The following IL1RAPL2 variants were observed in gnomAD, a reference collection of about 807,000 sequenced individuals.
IL1RAPL2 encodes the protein X-linked interleukin-1 receptor accessory protein-like 2.
In IL1RAPL2, 3 loss-of-function variants were observed where a neutral mutation model predicts 44.1. That is an observed-to-expected ratio of 0.07 (90% CI 0.03 to 0.18). The LOEUF (loss-of-function observed/expected upper bound fraction) is 0.18. Among genes scored for constraint, IL1RAPL2 ranks in the 10% least tolerant of loss-of-function variants. The pLI is 1.00. For missense variants in IL1RAPL2, 391 were observed against 496.4 expected, an observed-to-expected ratio of 0.79 and a Z score of 2.02; for synonymous variants, 181 against 178.8, an observed-to-expected ratio of 1.01 and a Z score of -0.10.
intron 2 of IL1RAPL2, among the ~76,000 whole-genome samples, chrX:104,762,504 T>G (rs1016746310): frequency 1.8e-5 from 2 of 111,743 alleles, no homozygotes; most frequent in Admixed American, 9.5e-5. Flanking sequence ...TGTCAGTGGA[T>G]CTACCATTCT....
At chrX:105,155,201 C>T (rs1423757333) in intron 2 of IL1RAPL2, among the ~76,000 whole-genome samples, 4 of 111,087 alleles carry the variant, frequency 3.6e-5, no homozygotes, top group Non-Finnish European at 7.5e-5. Context: ...ATCATCTGTT[C>T]CACTGAGGGT....
intron 5 of IL1RAPL2, among the ~76,000 whole-genome samples, chrX:105,447,196 TAAATATATATAAATATATATA>T (rs1194493214): frequency 5.6e-5 from 1 of 17,927 alleles, no homozygotes; most frequent in Non-Finnish European, 6.9e-5. Flanking sequence ...TAAATATATA[TAAATATATATAAATATATATA>T]AAATATATAT....
At chrX:105,691,958 A>G (rs2038038819) in intron 6 of IL1RAPL2, among the ~76,000 whole-genome samples, 1 of 112,004 alleles carries the variant, frequency 8.9e-6, no homozygotes, top group African/African-American at 3.2e-5. Context: ...AGAATTAAAC[A>G]GGGCACAAGT....
At chrX:104,599,650 G>GCGCA (rs756734077) in intron 1 of IL1RAPL2, among the ~76,000 whole-genome samples, 18 of 86,173 alleles carry the variant, frequency 2.1e-4, no homozygotes, top group Non-Finnish European at 3.5e-4. Flanking sequence ...GATGGATTTA[G>GCGCA]CACACACACA....
intron 2 of IL1RAPL2, among the ~76,000 whole-genome samples, chrX:104,775,246 A>G: frequency 8.9e-6 from 1 of 112,571 alleles, no homozygotes; most frequent in Non-Finnish European, 1.9e-5. Flanking sequence ...CAAGCTGTCT[A>G]CAATCAGGGT....
intron 1 of IL1RAPL2, among the ~76,000 whole-genome samples, chrX:104,593,824 G>T (rs930712777): frequency 8.9e-6 from 1 of 112,062 alleles, no homozygotes; most frequent in Non-Finnish European, 1.9e-5. Context: ...CCTACACTCT[G>T]GTATTCCCAA....
chrX:104,993,122 G>T (rs6652392), intron 2 of IL1RAPL2, among the ~76,000 whole-genome samples: 1 of 111,168 alleles, frequency 9.0e-6, no homozygotes, highest in African/African-American at 3.3e-5. Context: ...GTATTCAGCC[G>T]AGAGAGTTGG....
chrX:104,801,035 T>C (rs1227936307), intron 2 of IL1RAPL2, among the ~76,000 whole-genome samples: 1 of 112,862 alleles, frequency 8.9e-6, no homozygotes, highest in African/African-American at 3.2e-5. Context: ...ACACCAATAG[T>C]GTATCTAGCT....
chrX:105,303,825 A>G (rs2147675968), intron 5 of IL1RAPL2, among the ~76,000 whole-genome samples: 1 of 112,748 alleles, frequency 8.9e-6, no homozygotes, highest in East Asian at 2.8e-4. Flanking sequence ...CCTATAGGTT[A>G]GGGAAGGTCA....
At chrX:104,942,063 T>C (rs1481589278) in intron 2 of IL1RAPL2, among the ~76,000 whole-genome samples, 7 of 111,629 alleles carry the variant, frequency 6.3e-5, no homozygotes, top group Non-Finnish European at 1.3e-4. Flanking sequence ...GTCTGTATCT[T>C]TGTTTTGGTA....
chrX:105,598,755 G>A (rs2037229999), intron 6 of IL1RAPL2, among the ~76,000 whole-genome samples: 2 of 111,416 alleles, frequency 1.8e-5, no homozygotes, highest in African/African-American at 6.5e-5. Context: ...CCACAAAATC[G>A]TTCCTGATTC....
intron 2 of IL1RAPL2, among the ~76,000 whole-genome samples, chrX:105,026,444 GA>G (rs745622978): frequency 2.4e-3 from 258 of 109,735 alleles, no homozygotes; most frequent in African/African-American, 7.2e-3. Context: ...TCTTATATTT[GA>G]AAAAAATTAA....
intron 4 of IL1RAPL2, among the ~76,000 whole-genome samples, chrX:105,266,993 C>T (rs1198754208): frequency 2.7e-5 from 3 of 111,766 alleles, no homozygotes; most frequent in Non-Finnish European, 5.6e-5. Context: ...CTAAGTGAAC[C>T]ATGTCCTCTT....
chrX:104,726,071 A>T (rs1931785291), intron 2 of IL1RAPL2, among the ~76,000 whole-genome samples: 1 of 111,729 alleles, frequency 9.0e-6, no homozygotes, highest in South Asian at 3.7e-4. Flanking sequence ...AAAAGGTGTC[A>T]GGAAGGGATC....
At chrX:105,288,797 C>A (rs925891213) in intron 5 of IL1RAPL2, among the ~76,000 whole-genome samples, 2 of 110,328 alleles carry the variant, frequency 1.8e-5, no homozygotes, top group Non-Finnish European at 3.8e-5. Context: ...TTAATGGCCT[C>A]CAGTGAATAT....
chrX:105,301,626 C>T (rs1280855025), intron 5 of IL1RAPL2, among the ~76,000 whole-genome samples: 1 of 111,017 alleles, frequency 9.0e-6, no homozygotes, highest in East Asian at 2.8e-4. Flanking sequence ...ATGCCACATT[C>T]GTCTTTCTGT....
chrX:104,747,806 C>T (rs1167658705), intron 2 of IL1RAPL2, among the ~76,000 whole-genome samples: 3 of 111,137 alleles, frequency 2.7e-5, no homozygotes, highest in African/African-American at 9.8e-5. Context: ...CTGTACAATG[C>T]TTTTGGATGT....
rs184639457 is a variant in IL1RAPL2, at chrX:104,621,737, C to T, written c.-19-37158C>T. 4.7e-3 allele frequency among the ~76,000 whole-genome samples: 523 copies of T among 110,806 alleles called. 3 individuals are homozygous for T. The highest frequency in any genetic ancestry group is 7.7e-3 in the Non-Finnish European group (408 of 52,948). On this transcript the variant is annotated intron_variant, in intron 1 of 10. Coordinates refer to ENST00000372582, the MANE Select transcript of IL1RAPL2 (RefSeq NM_017416.2). ...GGAGACAAATTGATAATTTTTTTCT[C>T]CCAAAATAGAAGAAAGACAGGAGAG...
At chrX:105,531,475 T>G (rs991861306) in intron 6 of IL1RAPL2, among the ~76,000 whole-genome samples, 16 of 111,877 alleles carry the variant, frequency 1.4e-4, no homozygotes, top group African/African-American at 4.2e-4. Flanking sequence ...ATGGGTAGCA[T>G]GTAAATATTT....
Sources: gnomAD v4.1 joint callset for allele counts (sites outside exome capture counted in the v4.1 genomes callset) on GRCh38, gnomAD v4.1.1 for gene constraint, MANE v1.5 for transcripts, NCBI Gene and HGNC (gene_info 2026-07-23, HGNC 2026-07-21) for gene names.